Variants in FCF1 observed in about 807,000 individuals in gnomAD.
FCF1 encodes the protein FCF1 rRNA-processing protein.
A neutral mutation model predicts 32.5 loss-of-function variants in FCF1; 17 were observed. The ratio of observed to expected loss-of-function variants is 0.52; its 90% confidence interval spans 0.36 to 0.78. The LOEUF (loss-of-function observed/expected upper bound fraction) is 0.78. Ranked by LOEUF, FCF1 falls within the 30% of genes least tolerant of loss-of-function variation. The pLI is 0.00. For missense variants in FCF1, 201 were observed against 241.1 expected, an observed-to-expected ratio of 0.83 and a Z score of 1.10; for synonymous variants, 84 against 78.4, an observed-to-expected ratio of 1.07 and a Z score of -0.38.
chr14:74,734,030 C>T (rs749741122), intron 6 of FCF1, 46 bp from the exon 7 acceptor site: 31 of 1,272,214 alleles, frequency 2.4e-5, no homozygotes, highest in Middle Eastern at 1.9e-4. Flanking sequence ...ATTCACTAAG[C>T]GTGCTCAGTG....
rs566123341 is a variant in FCF1 at position 74,735,506 on chromosome 14, T to C, written c.*576T>C. On this transcript the variant is annotated 3_prime_UTR_variant, in exon 8 of 8. Coordinates refer to ENST00000341162, the MANE Select transcript of FCF1 (RefSeq NM_015962.5). ...TAATTGCTTTTCCAATGCAATAGCA[T>C]GAATTATTATTCTGTTGACCTATTT... 1 of 152,840 alleles carries C rather than the reference T, an allele frequency of 6.5e-6. No homozygotes were observed. The highest frequency in any genetic ancestry group is 6.5e-5 in the Admixed American group (1 of 15,326). The allele number at this position is 152,840 out of a possible 1,614,324, so 9.5% of individuals were successfully genotyped here. A position where few individuals can be genotyped will look rare whatever the true frequency, so the allele number is the denominator to read the frequency against.
chr14:74,734,607 A>T, intron 7 of FCF1, among the ~76,000 whole-genome samples: 1 of 151,996 alleles, frequency 6.6e-6, no homozygotes, highest in East Asian at 1.9e-4. Context: ...GGAGAGCACA[A>T]TGTGGTGGGA....
In FCF1 at chr14:74,734,107, G is replaced by A. The variant is rs142533630; in HGVS notation, c.485G>A (p.Arg162Gln). 6.2e-6 allele frequency: 10 copies of A among 1,613,490 alleles called. No individual in the cohort carries two copies. Among genetic ancestry groups the A allele is most frequent in the Middle Eastern group, 1.6e-4 (1 of 6,078 alleles). Reference sequence around the variant, plus strand: ...TGTTACATTGTGGCCACAGTTGACCGGGACCTGAAAAGAAGAATCCGTAAG... The same window carrying A: ...TGTTACATTGTGGCCACAGTTGACCAGGACCTGAAAAGAAGAATCCGTAAG... ...HKCYIVATVD[R>Q]DLKRRIRKIP... The change falls in exon 7 of 8, where the codon CGG becomes CAG. Residue 162 changes from arginine (R) to glutamine (Q), a missense_variant. Around this residue, in one of 3 missense-constraint regions of FCF1, gnomAD observed 121 missense variants for 147.8 expected, o/e 0.82. Coordinates refer to ENST00000341162, the MANE Select transcript of FCF1 (RefSeq NM_015962.5).
At chr14:74,715,083 A>G (rs1224617291) in intron 3 of FCF1, 140 bp downstream of exon 3, 13 of 819,024 alleles carry the variant, frequency 1.6e-5, no homozygotes, top group East Asian at 3.1e-5. Flanking sequence ...CGATGAGCAT[A>G]TATCAATTCT....
At chr14:74,729,471 C>A (rs979111240) in intron 5 of FCF1, among the ~76,000 whole-genome samples, 1 of 151,892 alleles carries the variant, frequency 6.6e-6, no homozygotes, top group Non-Finnish European at 1.5e-5. Context: ...TTTTTTATTG[C>A]GTCTATTTGA....
At chr14:74,731,000 A>G (rs1411605455) in intron 5 of FCF1, among the ~76,000 whole-genome samples, 1 of 143,306 alleles carries the variant, frequency 7.0e-6, no homozygotes, top group Non-Finnish European at 1.6e-5. Flanking sequence ...CCCATCTCCA[A>G]AAAAAAAAAA....
chr14:74,719,914 G>T (rs773241522), intron 4 of FCF1, among the ~76,000 whole-genome samples: 7 of 151,946 alleles, frequency 4.6e-5, no homozygotes, highest in Admixed American at 4.6e-4. Flanking sequence ...CGAAGCACGC[G>T]GACTACCTGA....
At chr14:74,727,066 T>G (rs1880512729) in intron 5 of FCF1, among the ~76,000 whole-genome samples, 1 of 152,202 alleles carries the variant, frequency 6.6e-6, no homozygotes, top group South Asian at 2.1e-4. Flanking sequence ...ACAATAAACA[T>G]ACATGTGCAT....
Position 74,732,722 on chromosome 14 carries a change from C to T in FCF1, c.366-9C>T. On this transcript the variant is annotated splice_polypyrimidine_tract_variant and intron_variant, in intron 5 of 7. Transcript: ENST00000341162. ...AGCTGATTGAATGTTTTCTTTAATC[C>T]ACCTACAGGATTGCCAAGGATCCAA... 1 of 1,591,142 alleles carries T rather than the reference C, an allele frequency of 6.3e-7. No individual in the cohort carries two copies. Among genetic ancestry groups the T allele is most frequent in the Admixed American group, 1.7e-5 (1 of 58,776 alleles).
chr14:74,723,715 C>T (rs1249770289), intron 5 of FCF1, among the ~76,000 whole-genome samples: 8 of 151,392 alleles, frequency 5.3e-5, no homozygotes, highest in Admixed American at 4.6e-4. Flanking sequence ...GTAATCCCAG[C>T]TACTTGGGAG....
intron 4 of FCF1, among the ~76,000 whole-genome samples, chr14:74,719,520 G>A (rs1260990210): frequency 6.6e-6 from 1 of 152,036 alleles, no homozygotes; most frequent in Non-Finnish European, 1.5e-5. Context: ...CAACGCTTTG[G>A]GAGGCCAAGG....
Position 74,737,699 on chromosome 14 carries a change from T to C in FCF1, c.*2769T>C, listed in dbSNP as rs1278834637. 6.6e-6 allele frequency: 1 copy of C among 152,132 alleles called. No homozygotes were observed. The highest frequency in any genetic ancestry group is 1.5e-5 in the Non-Finnish European group (1 of 68,042). 9.4% of individuals were successfully genotyped at this position (152,132 alleles called of 1,614,324 possible). ...GGTGGCTATCCATTTGAAAAAAAAT[T>C]AGGCCGGGCGTGGTGGCTCACACCT... On this transcript the variant is annotated 3_prime_UTR_variant, in exon 8 of 8. Coordinates refer to ENST00000341162, the MANE Select transcript of FCF1 (RefSeq NM_015962.5).
rs528561914 is a variant in FCF1 at position 74,736,123 on chromosome 14, A to G, written c.*1193A>G. The G allele has an allele frequency of 6.6e-6, 1 of 152,516 alleles. No individual in the cohort carries two copies. The highest frequency in any genetic ancestry group is 6.5e-5 in the Admixed American group (1 of 15,280). 9.4% of individuals were successfully genotyped at this position (152,516 alleles called of 1,614,324 possible). A position where few individuals can be genotyped will look rare whatever the true frequency, so the allele number is the denominator to read the frequency against. Reference sequence around the variant, plus strand: ...GAAATTGATATTTTGTCTCATAAAAACTAGGCCAGGCATGGTGGCTCATTC... The same window carrying G: ...GAAATTGATATTTTGTCTCATAAAAGCTAGGCCAGGCATGGTGGCTCATTC... On this transcript the variant is annotated 3_prime_UTR_variant, in exon 8 of 8. Coordinates refer to ENST00000341162, the MANE Select transcript of FCF1 (RefSeq NM_015962.5).
intron 5 of FCF1, 142 bp downstream of exon 5, chr14:74,723,486 C>CTCTCA: frequency 1.7e-6 from 1 of 593,294 alleles, no homozygotes; most frequent in Non-Finnish European, 3.0e-6. Flanking sequence ...TTTGGTCTTT[C>CTCTCA]TCTCACACAA....
chr14:74,723,780 A>G (rs1448784936), intron 5 of FCF1, among the ~76,000 whole-genome samples: 1 of 150,992 alleles, frequency 6.6e-6, no homozygotes. Flanking sequence ...GTGAGCCTAC[A>G]TCACGCCATT....
chr14:74,715,895 T>A (rs2090411918), intron 3 of FCF1, 56 bp from the exon 4 acceptor site: 1 of 1,608,722 alleles, frequency 6.2e-7, no homozygotes. Context: ...TTGTTTTTGT[T>A]AATACTAGGG....
intron 5 of FCF1, among the ~76,000 whole-genome samples, chr14:74,729,443 A>G (rs369174803): frequency 3.9e-5 from 6 of 152,032 alleles, no homozygotes; most frequent in Admixed American, 1.3e-4. Context: ...GGGATCGGTG[A>G]TGATATCCCC....
rs893461772 is a variant in FCF1 at position 74,734,171 on chromosome 14, G to T, written c.548+1G>T. On this transcript the variant is annotated splice_donor_variant, in intron 7 of 7. Transcript: ENST00000341162. LOFTEE classifies it high-confidence loss of function. The stretch of plus-strand genomic sequence containing the variant: ...CTATCATGTACATTTCTAACCATAG[G>T]TGAGAAATTTCCCTTGGAGAAGGGA... 1 of 1,590,546 alleles carries T rather than the reference G, an allele frequency of 6.3e-7. No homozygotes were observed. The highest frequency in any genetic ancestry group is 1.1e-5 in the South Asian group (1 of 90,566).
chr14:74,717,154 G>A lies in FCF1; in HGVS notation c.292+1055G>A, dbSNP rs192862426. 5.5e-4 allele frequency among the ~76,000 whole-genome samples: 83 copies of A among 151,678 alleles called. No homozygotes were observed. In the East Asian group the frequency reaches 0.012, roughly 22 times the overall value. ...GCAGGCGGATCATGAGGTCGAGATCGAGACCATTCTGGCCAACAAGGTGAA... is the reference window on the plus strand; with the variant it reads ...GCAGGCGGATCATGAGGTCGAGATCAAGACCATTCTGGCCAACAAGGTGAA... On this transcript the variant is annotated intron_variant, in intron 4 of 7. Coordinates refer to ENST00000341162, the MANE Select transcript of FCF1 (RefSeq NM_015962.5).
Sources: gnomAD v4.1 joint callset for allele counts (sites outside exome capture counted in the v4.1 genomes callset) on GRCh38, gnomAD v4.1.1 for gene constraint, gnomAD v4.1.1 regional missense constraint, MANE v1.5 for transcripts, NCBI Gene and HGNC (gene_info 2026-07-23, HGNC 2026-07-21) for gene names.